The following AK8 variants were observed in gnomAD, a reference collection of about 807,000 sequenced individuals.
AK8 encodes the protein adenylate kinase 8.
A neutral mutation model predicts 54.6 loss-of-function variants in AK8; 44 were observed. That is an observed-to-expected ratio of 0.81 (90% confidence interval 0.63 to 1.04). AK8 has a LOEUF of 1.04. Among genes scored for constraint, AK8 ranks in the 50% least tolerant of loss-of-function variants. AK8 has a pLI of 0.00. For synonymous variants in AK8, 239 were observed against 245.6 expected (o/e 0.97, Z 0.25); for missense variants, 555 against 613.6 (o/e 0.90, Z 1.01).
chr9:132,784,640 G>C (rs1335698550), intron 11 of AK8, among the ~76,000 whole-genome samples: 5 of 152,132 alleles, frequency 3.3e-5, no homozygotes, highest in Non-Finnish European at 7.3e-5. Flanking sequence ...TGAGGGCGGG[G>C]GAGGAGCTTG....
chr9:132,757,151 G>A (rs1363189850), intron 11 of AK8, among the ~76,000 whole-genome samples: 2 of 151,848 alleles, frequency 1.3e-5, no homozygotes, highest in Non-Finnish European at 2.9e-5. Context: ...TCCAGGGGCA[G>A]CCAGAGTGAC....
At chr9:132,823,435 T>G in intron 8 of AK8, 99 bp from the exon 9 acceptor site, 1 of 1,495,872 alleles carries the variant, frequency 6.7e-7, no homozygotes, top group South Asian at 1.2e-5. Flanking sequence ...GCAGTAACTC[T>G]TTTTCTCTTT....
intron 11 of AK8, among the ~76,000 whole-genome samples, chr9:132,764,372 G>T (rs1259371410): frequency 6.6e-6 from 1 of 151,722 alleles, no homozygotes; most frequent in African/African-American, 2.4e-5. Context: ...AAAACTAAAA[G>T]AAAAATACAA....
At chr9:132,878,537 C>A (rs370498317), upstream of AK8, 6 of 1,174,306 alleles carry the variant, frequency 5.1e-6, no homozygotes, top group Non-Finnish European at 6.3e-6. This position sits in a 1 kb window ranked among gnomAD's most constrained non-coding sequence, Gnocchi z 4.7. Flanking sequence ...GTATCTGAGA[C>A]CCCCGACGAA....
chr9:132,797,467 C>A (rs1311786948), intron 10 of AK8, among the ~76,000 whole-genome samples: 2 of 152,170 alleles, frequency 1.3e-5, no homozygotes, highest in Admixed American at 6.5e-5. Context: ...GACGCTTCCT[C>A]TCAGTCGTTC....
Position 132,827,996 on chromosome 9 carries a change from G to A in AK8, c.556+17C>T. On this transcript the variant is annotated intron_variant, in intron 7 of 12. Transcript: ENST00000298545. ...CTGAAACCCCATGGGGCTGGGTGGG[G>A]GTGGCCGTAGCCATACCTCCAGTTT... The A allele has an allele frequency of 6.4e-7, 1 of 1,556,040 alleles. No individual in the cohort carries two copies. The highest frequency in any genetic ancestry group is 8.7e-7 in the Non-Finnish European group (1 of 1,149,060).
chr9:132,803,975 G>A lies in AK8; in HGVS notation c.979+10663C>T, dbSNP rs1005396804. ...ACAAAAATTAGCCGGGCGTGGTGGTGGGCGCCTGTAGTCCCAGTTACTCAG... is the reference window on the plus strand; with the variant it reads ...ACAAAAATTAGCCGGGCGTGGTGGTAGGCGCCTGTAGTCCCAGTTACTCAG... On this transcript the variant is annotated intron_variant, in intron 10 of 12. Coordinates refer to ENST00000298545, the MANE Select transcript of AK8 (RefSeq NM_152572.3). The surrounding 1 kb of genome is among the most constrained non-coding windows in gnomAD (Gnocchi z 4.4). 5.3e-5 allele frequency among the ~76,000 whole-genome samples: 8 copies of A among 151,876 alleles called. No individual in the cohort carries two copies. Among genetic ancestry groups the A allele is most frequent in the African/African-American group, 1.5e-4 (6 of 41,320 alleles).
intron 10 of AK8, among the ~76,000 whole-genome samples, chr9:132,801,493 G>A (rs186317717): frequency 1.3e-3 from 201 of 152,340 alleles, no homozygotes; most frequent in Non-Finnish European, 2.1e-3. Flanking sequence ...AAAGAGTGAT[G>A]TATTCACTAA....
chr9:132,772,968 T>G (rs1037126919), intron 11 of AK8, among the ~76,000 whole-genome samples: 11 of 152,194 alleles, frequency 7.2e-5, no homozygotes, highest in African/African-American at 2.7e-4. Flanking sequence ...TCCCCCTGCC[T>G]ACAGCCCTTT....
chr9:132,820,170 G>GGGAAGGAA (rs1210293622), intron 9 of AK8, among the ~76,000 whole-genome samples: 3 of 138,410 alleles, frequency 2.2e-5, no homozygotes, highest in Non-Finnish European at 4.7e-5. Context: ...AAAAGACAAA[G>GGGAAGGAA]GGAAGGAAGG....
chr9:132,728,904 CT>C (rs61041585), intron 11 of AK8, among the ~76,000 whole-genome samples: 120,578 of 147,240 alleles, frequency 0.82, 49,344 homozygotes, highest in Admixed American at 0.88. Flanking sequence ...TATATGAAAC[CT>C]TTTTTTTTTT....
intron 11 of AK8, among the ~76,000 whole-genome samples, chr9:132,786,550 G>A (rs544776997): frequency 5.9e-5 from 9 of 152,212 alleles, no homozygotes; most frequent in Admixed American, 2.6e-4. Context: ...CTGGGGAATC[G>A]GAGCAGCCCA....
chr9:132,792,829 T>G (rs976415634), intron 10 of AK8, 54 bp from the exon 11 acceptor site: 1 of 1,514,374 alleles, frequency 6.6e-7, no homozygotes, highest in Non-Finnish European at 8.9e-7. Flanking sequence ...CCATGGGTCC[T>G]GGGCTTCCTA....
intron 10 of AK8, among the ~76,000 whole-genome samples, chr9:132,811,322 G>C (rs1840993517): frequency 6.6e-6 from 1 of 152,196 alleles, no homozygotes; most frequent in Non-Finnish European, 1.5e-5. Context: ...TCATCCCAAG[G>C]GTCCTTATAA....
chr9:132,875,050 A>G, intron 2 of AK8, 65 bp downstream of exon 2: 1 of 1,596,362 alleles, frequency 6.3e-7, no homozygotes. Flanking sequence ...GGAGTCAGGG[A>G]AGAAGGGGAA....
chr9:132,875,067 G>A lies in AK8; in HGVS notation c.169+48C>T, dbSNP rs551170892. On this transcript the variant is annotated intron_variant, in intron 2 of 12. Transcript: ENST00000298545. ...AGTCAGGGAAGAAGGGGAAGGAGGA[G>A]GAGGGGAAGGGAAGACGAGGAGGGG... is the stretch of plus-strand genomic sequence containing the variant. 195 of 1,609,758 alleles carry A rather than the reference G, an allele frequency of 1.2e-4. No homozygotes were observed. In the South Asian group the frequency reaches 1.9e-3, roughly 15 times the overall value.
intron 10 of AK8, among the ~76,000 whole-genome samples, chr9:132,805,860 G>C (rs1840697784): frequency 2.0e-5 from 3 of 152,054 alleles, no homozygotes; most frequent in African/African-American, 4.8e-5. Flanking sequence ...CAGCGGAAAA[G>C]TCAAAAGTTT....
chr9:132,728,283 G>A (rs1201586954), intron 11 of AK8, among the ~76,000 whole-genome samples: 1 of 152,194 alleles, frequency 6.6e-6, no homozygotes, highest in Non-Finnish European at 1.5e-5. Context: ...CTGGTTCAGG[G>A]ATAGCTCTCA....
At chr9:132,763,806 T>C (rs1270235571) in intron 11 of AK8, among the ~76,000 whole-genome samples, 1 of 152,258 alleles carries the variant, frequency 6.6e-6, no homozygotes, top group Non-Finnish European at 1.5e-5. Flanking sequence ...CTGCTGAATT[T>C]AATTTGTCTA....
Sources: allele counts gnomAD v4.1 joint callset (sites outside exome capture counted in the v4.1 genomes callset), GRCh38; gene constraint gnomAD v4.1.1; non-coding constraint Gnocchi (gnomAD v3.1); transcripts MANE v1.5; gene names NCBI Gene and HGNC (gene_info 2026-07-23, HGNC 2026-07-21).